Variants in ALDH1L2 observed in about 807,000 individuals in gnomAD.
The protein encoded by ALDH1L2 is aldehyde dehydrogenase 1 family member L2, also known as mitochondrial 10-formyltetrahydrofolate dehydrogenase.
A neutral mutation model predicts 111.0 loss-of-function variants in ALDH1L2; 91 were observed. The observed-to-expected ratio is 0.82, with a 90% CI of 0.69 to 0.98. The LOEUF is 0.98. Among genes scored for constraint, ALDH1L2 ranks in the 50% least tolerant of loss-of-function variants. ALDH1L2 has a pLI of 0.00. For missense variants in ALDH1L2, 995 were observed against 1,126.8 expected (o/e 0.88, Z 1.67); for synonymous variants, 374 against 392.6 (o/e 0.95, Z 0.56).
In ALDH1L2 at chr12:105,065,283, G is replaced by A. The variant is rs770464894; in HGVS notation, c.770C>T (p.Thr257Ile). ...AAAACATACCTGTCCATTTATCTCTGTCCAAGCTCCAGGGACTTTATCATG... is the reference window on the plus strand; with the variant it reads ...AAAACATACCTGTCCATTTATCTCTATCCAAGCTCCAGGGACTTTATCATG... The part of the protein sequence containing the change: ...RGHDKVPGAW[T>I]EINGQMVTFY... The change falls in exon 6 of 23, where the codon ACA becomes ATA. Residue 257 changes from threonine (T) to isoleucine (I), a missense_variant. Transcript: ENST00000258494. 1 of 1,609,044 alleles carries A rather than the reference G, an allele frequency of 6.2e-7. No individual in the cohort carries two copies. Among genetic ancestry groups the A allele is most frequent in the Admixed American group, 1.7e-5 (1 of 59,884 alleles).
chr12:105,078,577 C>T (rs930714690), intron 1 of ALDH1L2, among the ~76,000 whole-genome samples: 3 of 152,222 alleles, frequency 2.0e-5, no homozygotes, highest in Non-Finnish European at 4.4e-5. Flanking sequence ...TGGTCTTGCC[C>T]TCTATGCAGC....
At chr12:105,041,982 TG>T (rs2136063151) in intron 15 of ALDH1L2, among the ~76,000 whole-genome samples, 1 of 152,346 alleles carries the variant, frequency 6.6e-6, no homozygotes, top group Non-Finnish European at 1.5e-5. Context: ...GAGTGAAGAA[TG>T]GTATTTTAGA....
At position 105,070,647 on chromosome 12, in the gene ALDH1L2, A is replaced by G; in HGVS notation, c.351T>C (p.Ile117=). The part of the protein sequence containing the change: ...FCTQFIPMDI[I]DSPKHGSIIY... ...TGATAGAGCCGTGCTTTGGACTATC[A>G]ATTATATCCATGGGAATGAACTGAG... Residue 117 remains isoleucine (I), a synonymous_variant, in exon 3 of 23, where the codon ATT becomes ATC. Transcript: ENST00000258494. The G allele has an allele frequency of 1.9e-6, 3 of 1,614,194 alleles. No homozygotes were observed. The highest frequency in any genetic ancestry group is 1.1e-5 in the South Asian group (1 of 91,084).
chr12:105,044,348 C>T (rs7313946), intron 15 of ALDH1L2, among the ~76,000 whole-genome samples: 7 of 151,700 alleles, frequency 4.6e-5, no homozygotes, highest in African/African-American at 1.5e-4. Flanking sequence ...AAAAACGTGA[C>T]GCTTTTAAGC....
rs1362344129 is a variant in ALDH1L2 at position 105,038,093 on chromosome 12, CCT to C, written c.2145+8_2145+9del. 1 of 1,608,862 alleles carries C rather than the reference CCT, an allele frequency of 6.2e-7. No homozygotes were observed. The highest frequency in any genetic ancestry group is 1.3e-5 in the African/African-American group (1 of 74,720). On this transcript the variant is annotated splice_region_variant and intron_variant, in intron 18 of 22. Transcript: ENST00000258494. ...AGGCACCTATTTACTTAAATTTGAC[CCT>C]CTCTTACCATTCGCACAGCCTTGTC... is the stretch of plus-strand genomic sequence containing the variant.
At chr12:105,029,803 C>T (rs1049792289) in intron 21 of ALDH1L2, among the ~76,000 whole-genome samples, 10 of 152,128 alleles carry the variant, frequency 6.6e-5, no homozygotes, top group African/African-American at 2.2e-4. Flanking sequence ...TCAGTTAGCA[C>T]TTGGACCTCT....
intron 7 of ALDH1L2, 22 bp downstream of exon 7, chr12:105,062,866 G>A: frequency 6.2e-7 from 1 of 1,602,758 alleles, no homozygotes; most frequent in Non-Finnish European, 8.5e-7. Flanking sequence ...TTATTTCATA[G>A]GCAGCCATAT....
In ALDH1L2 at chr12:105,038,209, G is replaced by A. The variant is rs1229788584; in HGVS notation, c.2046-7C>T. ...CAAGTTGCTAACAGCACAGCTAGAG[G>A]AAAACAAATGAGAAATGAGCATTTA... On this transcript the variant is annotated splice_polypyrimidine_tract_variant and splice_region_variant and intron_variant, in intron 17 of 22. Coordinates refer to ENST00000258494, the MANE Select transcript of ALDH1L2 (RefSeq NM_001034173.4). 24 of 1,555,534 alleles carry A rather than the reference G, an allele frequency of 1.5e-5. No individual in the cohort carries two copies. The highest frequency in any genetic ancestry group is 2.1e-5 in the Non-Finnish European group (24 of 1,141,548).
intron 22 of ALDH1L2, among the ~76,000 whole-genome samples, chr12:105,025,331 C>T (rs1874356973): frequency 6.6e-6 from 1 of 152,178 alleles, no homozygotes. Context: ...CTAAGGTTGA[C>T]AACCACTGGG....
At chr12:105,035,557 A>C (rs968303074) in intron 18 of ALDH1L2, among the ~76,000 whole-genome samples, 2 of 152,070 alleles carry the variant, frequency 1.3e-5, no homozygotes, top group East Asian at 1.9e-4. Flanking sequence ...GGCTCAAGCG[A>C]TCCTTCTACC....
chr12:105,073,201 G>A (rs958695954), intron 2 of ALDH1L2, among the ~76,000 whole-genome samples: 3 of 152,250 alleles, frequency 2.0e-5, no homozygotes, highest in Middle Eastern at 3.4e-3. Context: ...GGTAGCTACC[G>A]CTGAACTGAG....
intron 1 of ALDH1L2, among the ~76,000 whole-genome samples, chr12:105,078,160 T>G (rs1281520215): frequency 6.6e-6 from 1 of 152,156 alleles, no homozygotes; most frequent in Non-Finnish European, 1.5e-5. Context: ...CTGTTAAGAT[T>G]TTTAGGAGGT....
rs778506144 is a variant in ALDH1L2, at chr12:105,030,410, G to T, written c.2430C>A (p.Thr810=). The change falls in exon 21 of 23, where the codon ACC becomes ACA. Residue 810 remains threonine, a synonymous_variant. Transcript: ENST00000258494. ...TGTAGTCTTCCACATCTGTGAACACGGTCGGCTCCATGAAAAAGCCTTTTT... is the reference window on the plus strand; with the variant it reads ...TGTAGTCTTCCACATCTGTGAACACTGTCGGCTCCATGAAAAAGCCTTTTT... ...VQRPGFFMEP[T]VFTDVEDYMY... 1 of 1,606,004 alleles carries T rather than the reference G, an allele frequency of 6.2e-7. No homozygotes were observed. Among genetic ancestry groups the T allele is most frequent in the Non-Finnish European group, 8.5e-7 (1 of 1,175,746 alleles).
intron 4 of ALDH1L2, 86 bp from the exon 5 acceptor site, chr12:105,066,755 T>A: frequency 9.2e-7 from 1 of 1,083,952 alleles, no homozygotes; most frequent in Non-Finnish European, 1.4e-6. Flanking sequence ...ATAACAGAAT[T>A]ACTACCTATA....
Position 105,058,088 on chromosome 12 carries a change from C to T in ALDH1L2, c.1272G>A (p.Glu424=), listed in dbSNP as rs765219724. The part of the protein sequence containing the change: ...RKLRGEDQEV[E]LVVDYISKEV... Reference sequence around the variant, plus strand: ...AAAAGCTTACATAATCTACAACCAGCTCCACCTCTTGATCTTCTCCTCTCA... The same window carrying T: ...AAAAGCTTACATAATCTACAACCAGTTCCACCTCTTGATCTTCTCCTCTCA... Residue 424 remains glutamate, a synonymous_variant, in exon 10 of 23, where the codon GAG becomes GAA. Transcript: ENST00000258494. 7.4e-6 allele frequency: 12 copies of T among 1,612,916 alleles called. No individual in the cohort carries two copies. In the South Asian group the frequency reaches 1.3e-4, roughly 18 times the overall value.
chr12:105,059,181 C>T (rs1380577770), intron 9 of ALDH1L2, among the ~76,000 whole-genome samples: 2 of 151,630 alleles, frequency 1.3e-5, no homozygotes, highest in Non-Finnish European at 1.5e-5. Context: ...GCAGGAGAAT[C>T]GCTTGAACCT....
chr12:105,030,630 T>C (rs1874647577), intron 20 of ALDH1L2, among the ~76,000 whole-genome samples: 1 of 152,204 alleles, frequency 6.6e-6, no homozygotes, highest in Non-Finnish European at 1.5e-5. Context: ...CAAACCTATG[T>C]AAAGGTAGAG....
chr12:105,036,510 TATTTTATATA>T (rs1336365492), intron 18 of ALDH1L2, among the ~76,000 whole-genome samples: 10 of 71,672 alleles, frequency 1.4e-4, no homozygotes, highest in Middle Eastern at 8.3e-3. Context: ...TGTATATATA[TATTTTATATA>T]TATATATATA....
At chr12:105,027,301 A>G (rs539503305) in intron 21 of ALDH1L2, among the ~76,000 whole-genome samples, 2 of 152,380 alleles carry the variant, frequency 1.3e-5, no homozygotes, top group East Asian at 3.9e-4. Flanking sequence ...AAAGTCATAT[A>G]TTCAATCTTC....
Sources: gnomAD v4.1 joint callset for allele counts (sites outside exome capture counted in the v4.1 genomes callset) on GRCh38, gnomAD v4.1.1 for gene constraint, MANE v1.5 for transcripts, NCBI Gene and HGNC (gene_info 2026-07-23, HGNC 2026-07-21) for gene names.